The following PVT1 variants were observed in gnomAD, a reference collection of about 807,000 sequenced individuals.
The protein encoded by PVT1 is Pvt1 oncogene.
chr8:127,941,634 G>A (rs561949502), intron 3 of PVT1, among the ~76,000 whole-genome samples: 152 of 152,298 alleles, frequency 1.0e-3, no homozygotes, highest in African/African-American at 3.6e-3. Context: ...GCTTTATTTA[G>A]CCAGTTTGCT....
At chr8:128,068,277 C>T (rs188772889) in intron 4 of PVT1, among the ~76,000 whole-genome samples, 117 of 152,106 alleles carry the variant, frequency 7.7e-4, no homozygotes, top group African/African-American at 2.6e-3. Flanking sequence ...TCCCATCCAC[C>T]GCTCTACCCT....
intron 6 of PVT1, among the ~76,000 whole-genome samples, chr8:128,098,649 T>G (rs1376420231): frequency 1.3e-5 from 2 of 152,232 alleles, no homozygotes; most frequent in Non-Finnish European, 2.9e-5. Flanking sequence ...GCAGCGTGTC[T>G]TATATTAGAG....
At chr8:127,814,078 C>T (rs1028578476) in intron 2 of PVT1, among the ~76,000 whole-genome samples, 1 of 152,218 alleles carries the variant, frequency 6.6e-6, no homozygotes, top group Non-Finnish European at 1.5e-5. Context: ...CCACCGCCCC[C>T]GGCCGCAGAT....
chr8:127,841,224 G>A (rs887107798), intron 2 of PVT1, among the ~76,000 whole-genome samples: 2 of 152,182 alleles, frequency 1.3e-5, no homozygotes, highest in Non-Finnish European at 2.9e-5. Context: ...TCCACCTCTT[G>A]TTGGCCTGAA....
chr8:127,836,697 C>T (rs562409564), intron 2 of PVT1, among the ~76,000 whole-genome samples: 19 of 152,252 alleles, frequency 1.2e-4, no homozygotes, highest in Middle Eastern at 3.4e-3. Context: ...AAGTGCATTA[C>T]GTCATTTAGT....
At chr8:128,091,576 A>T (rs1465473953) in intron 5 of PVT1, among the ~76,000 whole-genome samples, 2 of 152,198 alleles carry the variant, frequency 1.3e-5, no homozygotes, top group Non-Finnish European at 1.5e-5. Flanking sequence ...TGTTCTCCAG[A>T]AGTGCTGCTT....
intron 2 of PVT1, among the ~76,000 whole-genome samples, chr8:127,805,178 C>T (rs2129649863): frequency 6.6e-6 from 1 of 152,122 alleles, no homozygotes; most frequent in African/African-American, 2.4e-5. Context: ...GATCCACCCG[C>T]CTTGGCCTCC....
intron 3 of PVT1, chr8:127,932,803 AACAC>A (rs1215778646): frequency 3.5e-6 from 1 of 287,418 alleles, no homozygotes; most frequent in African/African-American, 2.2e-5. Flanking sequence ...TACATACACA[AACAC>A]ACACACACGT....
At chr8:128,077,162 G>A (rs1335577987) in intron 5 of PVT1, among the ~76,000 whole-genome samples, 1 of 152,260 alleles carries the variant, frequency 6.6e-6, no homozygotes, top group Non-Finnish European at 1.5e-5. Context: ...TGAAAGGTCA[G>A]TGTAAATGGG....
chr8:127,816,324 T>C (rs1400242330), intron 2 of PVT1, among the ~76,000 whole-genome samples: 1 of 152,086 alleles, frequency 6.6e-6, no homozygotes, highest in Non-Finnish European at 1.5e-5. Flanking sequence ...CCTGATTTTC[T>C]TTTTGTTGAG....
At chr8:127,815,824 C>T (rs1814653521) in intron 2 of PVT1, among the ~76,000 whole-genome samples, 1 of 152,126 alleles carries the variant, frequency 6.6e-6, no homozygotes, top group African/African-American at 2.4e-5. Flanking sequence ...CTATTAATAC[C>T]TACAAAATTA....
At chr8:128,000,126 T>G (rs1334224728) in intron 4 of PVT1, among the ~76,000 whole-genome samples, 1 of 152,130 alleles carries the variant, frequency 6.6e-6, no homozygotes, top group East Asian at 1.9e-4. Flanking sequence ...CCCATGCCAC[T>G]CCCACTCCAT....
chr8:128,047,103 C>G (rs1057193923), intron 4 of PVT1, among the ~76,000 whole-genome samples: 2 of 152,250 alleles, frequency 1.3e-5, no homozygotes, highest in African/African-American at 4.8e-5. Flanking sequence ...ATGCCTTCCT[C>G]CAAGGTACTT....
intron 3 of PVT1, among the ~76,000 whole-genome samples, chr8:127,897,893 A>C (rs1473407082): frequency 6.7e-6 from 1 of 150,348 alleles, no homozygotes; most frequent in Non-Finnish European, 1.5e-5. Context: ...GAAAGAAAGA[A>C]AGAAAGAAAA....
Position 128,013,181 on chromosome 8 carries a change from CT to C in PVT1, n.912+23892del, listed in dbSNP as rs1382128133. Among the ~76,000 whole-genome samples, 6 of 152,328 alleles carry C rather than the reference CT, an allele frequency of 3.9e-5. No homozygotes were observed. In the East Asian group the frequency reaches 1.2e-3, roughly 29 times the overall value. On this transcript the variant is annotated intron_variant and non_coding_transcript_variant, in intron 4 of 10. Coordinates refer to ENST00000651587, the Ensembl canonical transcript of PVT1. ...TGTGACCTCAGAAAGGCCACCCCCCCTTCCCTGTGCCTCTGTTTCCATCTCC... is the reference window on the plus strand; with the variant it reads ...TGTGACCTCAGAAAGGCCACCCCCCCTCCCTGTGCCTCTGTTTCCATCTCC...
chr8:127,897,242 G>A (rs1036074612), intron 3 of PVT1, among the ~76,000 whole-genome samples: 3 of 152,202 alleles, frequency 2.0e-5, no homozygotes, highest in Admixed American at 6.5e-5. Context: ...CCGTGGCCTT[G>A]GCCTCTGGAT....
At chr8:128,092,075 C>G (rs4733830) in intron 5 of PVT1, among the ~76,000 whole-genome samples, 1 of 151,860 alleles carries the variant, frequency 6.6e-6, no homozygotes, top group African/African-American at 2.4e-5. Context: ...GTGACACCTA[C>G]CTCTCCATCC....
chr8:128,010,774 G>C (rs1252382865), intron 4 of PVT1, among the ~76,000 whole-genome samples: 3 of 152,190 alleles, frequency 2.0e-5, no homozygotes, highest in African/African-American at 4.8e-5. Flanking sequence ...GAGGGGTACA[G>C]GGAAGTTTCA....
chr8:127,859,730 C>T (rs1024073092), intron 2 of PVT1, among the ~76,000 whole-genome samples: 2 of 151,990 alleles, frequency 1.3e-5, no homozygotes, highest in Admixed American at 6.6e-5. Flanking sequence ...TTAGAGTCAC[C>T]TGGGGTTGAA....
Sources: gnomAD v4.1 joint callset for allele counts (sites outside exome capture counted in the v4.1 genomes callset) on GRCh38, gnomAD v4.1.1 for gene constraint, MANE v1.5 for transcripts, NCBI Gene and HGNC (gene_info 2026-07-23, HGNC 2026-07-21) for gene names.